NTAQ1: variants seen among roughly 807,000 people sequenced by gnomAD.
NTAQ1 encodes N-terminal glutamine amidase 1.
A neutral mutation model predicts 28.2 loss-of-function variants in NTAQ1; 21 were observed. The ratio of observed to expected loss-of-function variants is 0.74; its 90% CI spans 0.53 to 1.07. The LOEUF (loss-of-function observed/expected upper bound fraction) is 1.07, where lower values mean the gene tolerates loss of function less well. NTAQ1 is among the 50% of genes least tolerant of loss of function. The pLI, the probability that NTAQ1 is intolerant of heterozygous loss-of-function variation, is 0.00. For missense variants in NTAQ1, 264 were observed against 256.6 expected, an observed-to-expected ratio of 1.03 and a Z score of -0.20; for synonymous variants, 105 against 90.0, an observed-to-expected ratio of 1.17 and a Z score of -0.94.
At chr8:123,463,100 C>T in intron 6 of NTAQ1, among the ~76,000 whole-genome samples, 1 of 152,184 alleles carries the variant, frequency 6.6e-6, no homozygotes, top group East Asian at 1.9e-4. Flanking sequence ...TTTTCTTTCT[C>T]TCTTTCTCAC....
chr8:123,471,848 C>A (rs948539187), downstream of NTAQ1, among the ~76,000 whole-genome samples: 1 of 152,162 alleles, frequency 6.6e-6, no homozygotes, highest in Admixed American at 6.5e-5. Flanking sequence ...TCACACAAAC[C>A]CCCAGGATAA....
downstream of NTAQ1, among the ~76,000 whole-genome samples, chr8:123,451,016 G>C (rs1472293256): frequency 6.6e-6 from 1 of 152,196 alleles, no homozygotes; most frequent in Non-Finnish European, 1.5e-5. Flanking sequence ...GATTACGGCT[G>C]TCTCTGTGAT....
intron 6 of NTAQ1, among the ~76,000 whole-genome samples, chr8:123,463,770 G>A (rs1815894838): frequency 6.6e-6 from 1 of 152,172 alleles, no homozygotes; most frequent in African/African-American, 2.4e-5. Flanking sequence ...GTTGAACTGT[G>A]ATGCAATCCC....
At chr8:123,452,845 C>G (rs779548187), downstream of NTAQ1, among the ~76,000 whole-genome samples, 1 of 151,970 alleles carries the variant, frequency 6.6e-6, no homozygotes, top group African/African-American at 2.4e-5. Context: ...AGGTGGAGAT[C>G]GCACCATTGC....
At chr8:123,472,492 A>G (rs997707400), downstream of NTAQ1, among the ~76,000 whole-genome samples, 5 of 152,184 alleles carry the variant, frequency 3.3e-5, no homozygotes, top group Admixed American at 6.5e-5. Flanking sequence ...TGAAGTGTCC[A>G]ATCCTTCCTT....
intron 6 of NTAQ1, among the ~76,000 whole-genome samples, chr8:123,458,016 A>G (rs1201478103): frequency 1.4e-5 from 2 of 146,472 alleles, no homozygotes; most frequent in Non-Finnish European, 3.0e-5. Flanking sequence ...CGTGGGCTAC[A>G]GAGCAAGACT....
At chr8:123,456,706 T>C (rs1271133511) in intron 6 of NTAQ1, among the ~76,000 whole-genome samples, 1 of 152,256 alleles carries the variant, frequency 6.6e-6, no homozygotes, top group Non-Finnish European at 1.5e-5. Context: ...TTTGCTTTCC[T>C]GTCTTCTGTC....
chr8:123,443,881 C>G (rs1372994474), downstream of NTAQ1, among the ~76,000 whole-genome samples: 1 of 152,116 alleles, frequency 6.6e-6, no homozygotes, highest in Non-Finnish European at 1.5e-5. Flanking sequence ...CCTGCGGTTC[C>G]TGGTTCTATG....
chr8:123,464,187 C>T (rs756555434), intron 6 of NTAQ1, among the ~76,000 whole-genome samples: 9 of 152,156 alleles, frequency 5.9e-5, no homozygotes, highest in Non-Finnish European at 2.9e-5. Context: ...TAGAGATGGT[C>T]TTGCAGAGTT....
downstream of NTAQ1, among the ~76,000 whole-genome samples, chr8:123,444,746 T>A (rs1468019608): frequency 6.6e-6 from 1 of 152,172 alleles, no homozygotes; most frequent in Non-Finnish European, 1.5e-5. Flanking sequence ...TCTGCCCTCG[T>A]GATCCACTTG....
chr8:123,443,265 C>T (rs944982854), downstream of NTAQ1, among the ~76,000 whole-genome samples: 1 of 152,002 alleles, frequency 6.6e-6, no homozygotes, highest in Non-Finnish European at 1.5e-5. Context: ...GGTGATCTGC[C>T]TGGCTCCGCC....
At position 123,423,362 on chromosome 8, in the gene NTAQ1, T is replaced by C. The variant is rs866813520; in HGVS notation, c.84-4562T>C. On this transcript the variant is annotated intron_variant, in intron 1 of 5. Coordinates refer to ENST00000287387, the MANE Select transcript of NTAQ1 (RefSeq NM_018024.3). ...TTTTCCTTCCTTTCCCTCCTTTCCT[T>C]CCTTTCCCTCCTTTTCCTCCCTTTC... 1.9e-3 allele frequency among the ~76,000 whole-genome samples: 204 copies of C among 107,754 alleles called. 2 individuals carry two copies. In the East Asian group the frequency reaches 0.022, roughly 11 times the overall value. The allele number at this position is 107,754 out of a possible 152,430, so 70.7% of individuals were successfully genotyped here.
intron 1 of NTAQ1, among the ~76,000 whole-genome samples, chr8:123,420,773 T>G (rs1813632671): frequency 6.6e-6 from 1 of 151,174 alleles, no homozygotes; most frequent in Non-Finnish European, 1.5e-5. Context: ...TAAATTATTT[T>G]TATTTGTTTA....
At chr8:123,421,045 A>G (rs992099378) in intron 1 of NTAQ1, among the ~76,000 whole-genome samples, 7 of 149,466 alleles carry the variant, frequency 4.7e-5, no homozygotes, top group African/African-American at 1.5e-4. Flanking sequence ...TCGGCCTCCC[A>G]AAGTGCTGGG....
rs768274675 is a variant in NTAQ1 at position 123,454,775 on chromosome 8, C to G, written c.373-12304C>G. Reference sequence around the variant, plus strand: ...GTAGCTCAGTCTCCAATGGGCCATTCATTCTACCATCAAGAAGATCACCTA... The same window carrying G: ...GTAGCTCAGTCTCCAATGGGCCATTGATTCTACCATCAAGAAGATCACCTA... On this transcript the variant is annotated intron_variant, in intron 6 of 6. Coordinates refer to the NTAQ1 transcript ENST00000650311. Among the ~76,000 whole-genome samples the G allele has an allele frequency of 1.1e-4, 16 of 152,170 alleles. 1 individual carries two copies. Among genetic ancestry groups the G allele is most frequent in the South Asian group, 8.3e-4 (4 of 4,832 alleles).
At chr8:123,439,699 A>G (rs570418619) in intron 5 of NTAQ1, among the ~76,000 whole-genome samples, 38 of 152,132 alleles carry the variant, frequency 2.5e-4, no homozygotes, top group African/African-American at 8.2e-4. Flanking sequence ...CATGTGGGCT[A>G]GGCTGGTCTT....
At chr8:123,474,784 G>A (rs1402768777), downstream of NTAQ1, among the ~76,000 whole-genome samples, 1 of 152,186 alleles carries the variant, frequency 6.6e-6, no homozygotes, top group Non-Finnish European at 1.5e-5. Context: ...CTACTTGGGA[G>A]GCTGAGGCAG....
At chr8:123,431,488 T>G (rs1814391203) in intron 3 of NTAQ1, among the ~76,000 whole-genome samples, 1 of 152,238 alleles carries the variant, frequency 6.6e-6, no homozygotes, top group Non-Finnish European at 1.5e-5. Context: ...CTCATTTATT[T>G]AACATGTATA....
rs368858014 is a variant in NTAQ1 at position 123,458,770 on chromosome 8, G to A, written c.373-8309G>A. Among the ~76,000 whole-genome samples the A allele has an allele frequency of 3.2e-3, 486 of 151,456 alleles. 3 individuals carry two copies. Among genetic ancestry groups the A allele is most frequent in the African/African-American group, 0.011 (459 of 41,372 alleles). On this transcript the variant is annotated intron_variant, in intron 6 of 6. Coordinates refer to the NTAQ1 transcript ENST00000650311. ...CGAGTAGCTGGGACTACAGGCGCCCGCCAGCACGCCCGGCTAATTTTTTGT... is the reference window on the plus strand; with the variant it reads ...CGAGTAGCTGGGACTACAGGCGCCCACCAGCACGCCCGGCTAATTTTTTGT...
Sources: gnomAD v4.1 joint callset for allele counts (sites outside exome capture counted in the v4.1 genomes callset) on GRCh38, gnomAD v4.1.1 for gene constraint, MANE v1.5 for transcripts, NCBI Gene and HGNC (gene_info 2026-07-23, HGNC 2026-07-21) for gene names.